AGBL1: variants seen among roughly 807,000 people sequenced by gnomAD.
AGBL1 encodes cytosolic carboxypeptidase 4.
In AGBL1, 130 loss-of-function variants were observed where a neutral mutation model predicts 118.9. The observed-to-expected ratio is 1.09, with a 90% CI of 0.95 to 1.26. The LOEUF is 1.26. AGBL1 is among the 50% of genes most tolerant of loss of function. AGBL1 has a pLI of 0.00. For synonymous variants in AGBL1, 555 were observed against 478.9 expected, an observed-to-expected ratio of 1.16 and a Z score of -2.08; for missense variants, 1,584 against 1,298.1, an observed-to-expected ratio of 1.22 and a Z score of -3.38.
At chr15:86,717,541 T>G (rs2086656274) in intron 22 of AGBL1, among the ~76,000 whole-genome samples, 1 of 152,106 alleles carries the variant, frequency 6.6e-6, no homozygotes, top group Non-Finnish European at 1.5e-5. Context: ...CTTTTGAAGT[T>G]TTCAATGTTT....
intron 5 of AGBL1, among the ~76,000 whole-genome samples, chr15:86,222,524 T>A (rs955082236): frequency 5.9e-5 from 9 of 152,102 alleles, no homozygotes; most frequent in African/African-American, 2.2e-4. Flanking sequence ...CACCACATCA[T>A]CTCAATTTAA....
At chr15:86,101,491 A>G (rs530442373) in intron 1 of AGBL1, among the ~76,000 whole-genome samples, 28 of 152,120 alleles carry the variant, frequency 1.8e-4, no homozygotes, top group African/African-American at 6.5e-4. Context: ...CTATTATTAT[A>G]TTAGAATCTA....
At chr15:86,944,319 C>T (rs1013839450) in intron 23 of AGBL1, among the ~76,000 whole-genome samples, 25 of 151,914 alleles carry the variant, frequency 1.6e-4, no homozygotes, top group Admixed American at 2.6e-4. Context: ...GCAGAGGTTA[C>T]GGGGAGCTGA....
In AGBL1 at chr15:86,652,011, A is replaced by G. The variant is rs151193981; in HGVS notation, c.2995-22262A>G. 5.9e-3 allele frequency among the ~76,000 whole-genome samples: 904 copies of G among 152,250 alleles called. 9 individuals carry two copies. Among genetic ancestry groups the G allele is most frequent in the African/African-American group, 0.021 (854 of 41,560 alleles). ...CTACAGTCCAACTGGACTCTACTGG[A>G]TGCTCAGAAGCCTTCCATTGTCTGA... On this transcript the variant is annotated intron_variant, in intron 21 of 22. Coordinates refer to ENST00000614907, the MANE Select transcript of AGBL1 (RefSeq NM_001386094.1).
intron 18 of AGBL1, among the ~76,000 whole-genome samples, chr15:86,466,895 A>C (rs2082414977): frequency 1.3e-5 from 2 of 152,184 alleles, no homozygotes; most frequent in South Asian, 4.1e-4. Flanking sequence ...CACCCACCAG[A>C]TGCCAGCCAG....
intron 17 of AGBL1, among the ~76,000 whole-genome samples, chr15:86,343,844 A>G (rs2080497325): frequency 6.6e-6 from 1 of 152,058 alleles, no homozygotes. Flanking sequence ...GCTTTTAATC[A>G]CCTGTATGAA....
intron 7 of AGBL1, among the ~76,000 whole-genome samples, chr15:86,252,567 G>A (rs183656193): frequency 6.6e-6 from 1 of 152,258 alleles, no homozygotes; most frequent in East Asian, 1.9e-4. Context: ...CAGCAGGTGG[G>A]GGTAATAGCA....
At chr15:86,756,078 A>C (rs1327605924) in intron 22 of AGBL1, among the ~76,000 whole-genome samples, 1 of 152,164 alleles carries the variant, frequency 6.6e-6, no homozygotes, top group Non-Finnish European at 1.5e-5. Context: ...AGGGGCATGC[A>C]GAAATATAGT....
In AGBL1 at chr15:86,856,314, C is replaced by G. The variant is rs368024950; in HGVS notation, c.3159-50773C>G. 2.6e-5 allele frequency among the ~76,000 whole-genome samples: 4 copies of G among 152,196 alleles called. No individual in the cohort carries two copies. In the South Asian group the frequency reaches 8.3e-4, roughly 31 times the overall value. On this transcript the variant is annotated intron_variant, in intron 22 of 22. Coordinates refer to ENST00000614907, the MANE Select transcript of AGBL1 (RefSeq NM_001386094.1). The stretch of plus-strand genomic sequence containing the variant: ...AAGCAGGGCTCTATTGTACCCATAA[C>G]AGCACAAATATCCCCAATTGCTGGG...
intron 3 of AGBL1, among the ~76,000 whole-genome samples, chr15:86,149,260 C>A (rs2077074154): frequency 6.6e-6 from 1 of 152,146 alleles, no homozygotes; most frequent in Admixed American, 6.5e-5. Context: ...ACGACAGGAT[C>A]AAATTTACAC....
chr15:86,613,533 G>T lies in AGBL1; in HGVS notation c.2994+58996G>T, dbSNP rs182681866. On this transcript the variant is annotated intron_variant, in intron 21 of 22. Coordinates refer to ENST00000614907, the MANE Select transcript of AGBL1 (RefSeq NM_001386094.1). The surrounding 1 kb of genome is among the most constrained non-coding windows in gnomAD (Gnocchi z 4.2). ...GTGAAAGAGAGATTAGGATTATTCA[G>T]TGTGTTTATAAGAGCTAGAACTAGG... 2.5e-3 allele frequency among the ~76,000 whole-genome samples: 387 copies of T among 152,302 alleles called. 2 individuals are homozygous for T. Among genetic ancestry groups the T allele is most frequent in the African/African-American group, 9.0e-3 (374 of 41,578 alleles).
chr15:86,842,399 G>A (rs79557586), intron 22 of AGBL1, among the ~76,000 whole-genome samples: 3,402 of 152,230 alleles, frequency 0.022, 121 homozygotes, highest in East Asian at 0.18. Flanking sequence ...CTGTGATATT[G>A]CAGTCATCTC....
chr15:86,834,168 G>T (rs1355755975), intron 22 of AGBL1, among the ~76,000 whole-genome samples: 1 of 152,118 alleles, frequency 6.6e-6, no homozygotes, highest in East Asian at 1.9e-4. Flanking sequence ...GCATCTGTTT[G>T]TGCTTCTGTA....
chr15:86,496,033 A>G (rs2142151653), intron 18 of AGBL1, among the ~76,000 whole-genome samples: 1 of 151,916 alleles, frequency 6.6e-6, no homozygotes, highest in East Asian at 2.0e-4. Context: ...TCAACCTGAT[A>G]TAGTTTGGCT....
chr15:86,889,741 C>T (rs1443896259), intron 22 of AGBL1, among the ~76,000 whole-genome samples: 1 of 152,168 alleles, frequency 6.6e-6, no homozygotes. Flanking sequence ...CCTTTTATGG[C>T]TGCATAGTAT....
At chr15:86,816,682 AAAAC>A (rs1476174349) in intron 22 of AGBL1, among the ~76,000 whole-genome samples, 1 of 152,174 alleles carries the variant, frequency 6.6e-6, no homozygotes, top group African/African-American at 2.4e-5. Context: ...AAAAAACACA[AAAAC>A]AAAAATCCCT....
intron 17 of AGBL1, among the ~76,000 whole-genome samples, chr15:86,374,623 T>C (rs2081013490): frequency 6.6e-6 from 1 of 152,210 alleles, no homozygotes; most frequent in South Asian, 2.1e-4. Flanking sequence ...TTGAGGATCA[T>C]CAGTCAAACA....
intron 19 of AGBL1, among the ~76,000 whole-genome samples, chr15:86,528,400 C>T (rs568254065): frequency 1.3e-4 from 20 of 152,174 alleles, no homozygotes; most frequent in Non-Finnish European, 2.5e-4. Context: ...CTTTTCAGAC[C>T]TGCTTAAAAA....
intron 6 of AGBL1, among the ~76,000 whole-genome samples, chr15:86,235,100 AGTGAAAAACTT>A (rs2078518178): frequency 6.6e-6 from 1 of 152,190 alleles, no homozygotes; most frequent in South Asian, 2.1e-4. Flanking sequence ...CATATAAAGA[AGTGAAAAACTT>A]CATGAAAACG....
Sources: allele counts gnomAD v4.1 joint callset (sites outside exome capture counted in the v4.1 genomes callset), GRCh38; gene constraint gnomAD v4.1.1; non-coding constraint Gnocchi (gnomAD v3.1); transcripts MANE v1.5; gene names NCBI Gene and HGNC (gene_info 2026-07-23, HGNC 2026-07-21).